Variants in AMN1 observed in about 807,000 individuals in gnomAD.
AMN1 encodes protein AMN1 homolog.
In AMN1, 20 loss-of-function variants were observed where a neutral mutation model predicts 33.0. The ratio of observed to expected loss-of-function variants is 0.61; its 90% CI spans 0.43 to 0.88. The LOEUF is 0.88. Ranked by LOEUF, AMN1 falls within the 40% of genes least tolerant of loss-of-function variation. AMN1 has a pLI of 0.00. For synonymous variants in AMN1, 114 were observed against 111.9 expected (o/e 1.02, Z -0.12); for missense variants, 246 against 307.4 (o/e 0.80, Z 1.49).
At chr12:31,718,914 C>T (rs1050407822) in intron 1 of AMN1, among the ~76,000 whole-genome samples, 6 of 152,278 alleles carry the variant, frequency 3.9e-5, no homozygotes, top group African/African-American at 1.2e-4. Context: ...CCCCTCCCCC[C>T]GCCAAGCTCC....
At chr12:31,728,884 G>A (rs1940191648) in intron 1 of AMN1, 87 bp downstream of exon 1, 1 of 1,439,544 alleles carries the variant, frequency 6.9e-7, no homozygotes, top group African/African-American at 1.4e-5. Context: ...GGTGGGAAAG[G>A]GGCGGGGAGG....
rs151041768 is a variant in AMN1, at chr12:31,725,851, A to G, written c.38+3120T>C. 1.2e-3 allele frequency among the ~76,000 whole-genome samples: 190 copies of G among 152,272 alleles called. 4 individuals are homozygous for G. In the East Asian group the frequency reaches 0.035, roughly 28 times the overall value. On this transcript the variant is annotated intron_variant, in intron 1 of 6. Coordinates refer to ENST00000281471, the MANE Select transcript of AMN1 (RefSeq NM_001113402.2). ...GCTGGGAATACACATGTGCACCACC[A>G]TGCCCAGTTAATTTTTTTTGTATTT...
At chr12:31,675,311 T>C (rs971811953) in intron 6 of AMN1, among the ~76,000 whole-genome samples, 2 of 151,462 alleles carry the variant, frequency 1.3e-5, no homozygotes, top group African/African-American at 4.9e-5. Flanking sequence ...TCCCAATTAC[T>C]TGGGAGGCTG....
At position 31,672,197 on chromosome 12, in the gene AMN1, A is replaced by T; in HGVS notation, c.*107T>A. On this transcript the variant is annotated 3_prime_UTR_variant, in exon 7 of 7. Coordinates refer to ENST00000281471, the MANE Select transcript of AMN1 (RefSeq NM_001113402.2). ...GAGTTATAACTTAAGACAATAAAAT[A>T]ATTAAAAATAGTGTTAACATTAAGT... 1 of 749,136 alleles carries T rather than the reference A, an allele frequency of 1.3e-6. No individual in the cohort carries two copies. Among genetic ancestry groups the T allele is most frequent in the Non-Finnish European group, 2.3e-6 (1 of 442,542 alleles). The allele number at this position is 749,136 out of a possible 1,614,324, so 46.4% of individuals were successfully genotyped here. A position where few individuals can be genotyped will look rare whatever the true frequency, so the allele number is the denominator to read the frequency against.
At chr12:31,702,076 G>A in intron 2 of AMN1, 69 bp from the exon 3 acceptor site, 1 of 1,368,538 alleles carries the variant, frequency 7.3e-7, no homozygotes, top group Non-Finnish European at 9.8e-7. Context: ...TCCATATTCA[G>A]TGTTTTGGTG....
At chr12:31,708,910 G>C (rs1163292304) in intron 2 of AMN1, 4 of 332,922 alleles carry the variant, frequency 1.2e-5, no homozygotes, top group Non-Finnish European at 2.4e-5. Flanking sequence ...AGGCATGGTG[G>C]CTCACACCTG....
rs368845158 is a variant in AMN1 at position 31,728,960 on chromosome 12, G to A, written c.38+11C>T. 1 of 1,546,304 alleles carries A rather than the reference G, an allele frequency of 6.5e-7. No individual in the cohort carries two copies. Among genetic ancestry groups the A allele is most frequent in the African/African-American group, 1.4e-5 (1 of 72,958 alleles). ...GGCGGCGCGAAGGGAGGCGGGACAGGGTAGACTCACAGATCCAGGAGCTGA... is the reference window on the plus strand; with the variant it reads ...GGCGGCGCGAAGGGAGGCGGGACAGAGTAGACTCACAGATCCAGGAGCTGA... On this transcript the variant is annotated intron_variant, in intron 1 of 6. Transcript: ENST00000281471.
At chr12:31,695,135 A>G (rs1483183988) in intron 5 of AMN1, among the ~76,000 whole-genome samples, 1 of 152,120 alleles carries the variant, frequency 6.6e-6, no homozygotes, top group African/African-American at 2.4e-5. Context: ...TGGTTATTGC[A>G]TTTTTTTCTC....
At chr12:31,720,574 C>T (rs1238557998) in intron 1 of AMN1, among the ~76,000 whole-genome samples, 1 of 151,790 alleles carries the variant, frequency 6.6e-6, no homozygotes, top group African/African-American at 2.4e-5. Flanking sequence ...CCCATTCCTC[C>T]TTTTTCTCAC....
chr12:31,719,475 G>C (rs1939801127), intron 1 of AMN1: 1 of 204,280 alleles, frequency 4.9e-6, no homozygotes, highest in Non-Finnish European at 8.6e-6. Flanking sequence ...ATTTGTTCTG[G>C]AATATACAAT....
intron 1 of AMN1, among the ~76,000 whole-genome samples, chr12:31,720,314 G>A (rs1388620004): frequency 6.6e-6 from 1 of 152,226 alleles, no homozygotes; most frequent in African/African-American, 2.4e-5. Flanking sequence ...GCTGAGGCAT[G>A]TGGATCATCT....
At chr12:31,700,924 C>T (rs4931546) in intron 3 of AMN1, among the ~76,000 whole-genome samples, 6,129 of 152,032 alleles carry the variant, frequency 0.04, 391 homozygotes, top group East Asian at 0.27. Flanking sequence ...CTCCTGACCT[C>T]GTGATCCACC....
chr12:31,709,047 G>A (rs1287698165), intron 2 of AMN1: 3 of 526,666 alleles, frequency 5.7e-6, no homozygotes, highest in Non-Finnish European at 1.1e-5. Flanking sequence ...GCATGGTGGT[G>A]TACACCTATA....
intron 6 of AMN1, among the ~76,000 whole-genome samples, chr12:31,674,394 T>C (rs1434200550): frequency 3.4e-5 from 5 of 148,944 alleles, no homozygotes; most frequent in African/African-American, 1.2e-4. Context: ...GGTGACAGAG[T>C]GAGACTCCAT....
intron 6 of AMN1, among the ~76,000 whole-genome samples, chr12:31,682,956 T>C (rs1205709479): frequency 1.4e-5 from 2 of 147,628 alleles, no homozygotes; most frequent in African/African-American, 2.5e-5. Context: ...GAAAGGGGTA[T>C]GCTATTCTTT....
At chr12:31,697,510 T>C (rs375845901) in intron 4 of AMN1, 93 bp from the exon 5 acceptor site, 1 of 1,258,782 alleles carries the variant, frequency 7.9e-7, no homozygotes, top group Non-Finnish European at 1.2e-6. Context: ...ATAGTCTTAA[T>C]GCCTCCCATT....
chr12:31,709,450 A>G, intron 1 of AMN1, 25 bp from the exon 2 acceptor site: 2 of 1,594,112 alleles, frequency 1.3e-6, no homozygotes, highest in East Asian at 2.3e-5. Flanking sequence ...CAATATAGTA[A>G]ATCACACTGG....
intron 5 of AMN1, among the ~76,000 whole-genome samples, chr12:31,694,732 C>A (rs535469079): frequency 1.3e-5 from 2 of 152,212 alleles, no homozygotes; most frequent in East Asian, 3.9e-4. Context: ...GGTGACAGAA[C>A]AAGACCCTGT....
chr12:31,697,277 T>C (rs1025777802), intron 5 of AMN1, 84 bp downstream of exon 5: 3 of 1,192,830 alleles, frequency 2.5e-6, no homozygotes, highest in Middle Eastern at 2.0e-4. Context: ...TGATAAAGCA[T>C]TGGTTATCCG....
Sources: gnomAD v4.1 joint callset for allele counts (sites outside exome capture counted in the v4.1 genomes callset) on GRCh38, gnomAD v4.1.1 for gene constraint, MANE v1.5 for transcripts, NCBI Gene and HGNC (gene_info 2026-07-23, HGNC 2026-07-21) for gene names.